PRKG1: variants seen among roughly 807,000 people sequenced by gnomAD.
The protein encoded by PRKG1 is cGMP-dependent protein kinase 1.
PRKG1 carries 35 observed loss-of-function variants against 88.1 expected under a neutral mutation model. The ratio of observed to expected loss-of-function variants is 0.40; its 90% confidence interval spans 0.30 to 0.53. PRKG1 has a LOEUF of 0.53. Among genes scored for constraint, PRKG1 ranks in the 20% least tolerant of loss-of-function variants. The pLI, the probability that PRKG1 is intolerant of heterozygous loss-of-function variation, is 0.59. For missense variants in PRKG1, 540 were observed against 839.8 expected, an observed-to-expected ratio of 0.64 and a Z score of 4.41; for synonymous variants, 303 against 292.5, an observed-to-expected ratio of 1.04 and a Z score of -0.37.
At chr10:51,578,086 T>C (rs1433793629) in intron 3 of PRKG1, among the ~76,000 whole-genome samples, 1 of 152,074 alleles carries the variant, frequency 6.6e-6, no homozygotes, top group Non-Finnish European at 1.5e-5. Context: ...AAATCCCTCT[T>C]CCTAGAGAGT....
rs1220498758 is a variant in PRKG1, at chr10:51,016,691, T to TTTTTTTTTTTTTTTTTA, written c.266+25048_266+25049insTTTTTTTTTTTTTTTAT. ...ATCCTTTCTTTTTTTTTTTTTTTTT[T>TTTTTTTTTTTTTTTTTA]TGGAATCTTGCTCTGTTGCCAGGCT... On this transcript the variant is annotated intron_variant, in intron 1 of 17. Transcript: ENST00000401604. Among the ~76,000 whole-genome samples, 3 of 132,334 alleles carry TTTTTTTTTTTTTTTTTA rather than the reference T, an allele frequency of 2.3e-5. 1 individual carries two copies. The highest frequency in any genetic ancestry group is 4.8e-5 in the Non-Finnish European group (3 of 62,784). The allele number at this position is 132,334 out of a possible 152,430, so 86.8% of individuals were successfully genotyped here.
At chr10:51,229,943 A>AAAG (rs1296709918) in intron 2 of PRKG1, among the ~76,000 whole-genome samples, 4 of 130,728 alleles carry the variant, frequency 3.1e-5, no homozygotes, top group African/African-American at 1.1e-4. Context: ...AAAAAAAAAA[A>AAAG]AAAAAGAAAA....
At chr10:52,292,181 G>C (rs1842265733) in intron 17 of PRKG1, among the ~76,000 whole-genome samples, 1 of 150,878 alleles carries the variant, frequency 6.6e-6, no homozygotes, top group Non-Finnish European at 1.5e-5. Flanking sequence ...CAGATGAGTA[G>C]GTTGCGAAAA....
intron 3 of PRKG1, among the ~76,000 whole-genome samples, chr10:51,671,946 T>C (rs1430705153): frequency 6.6e-6 from 1 of 152,198 alleles, no homozygotes; most frequent in Non-Finnish European, 1.5e-5. Context: ...TCTGCAAAGA[T>C]CCTATTTCCA....
At chr10:51,461,978 A>G (rs1280614758) in intron 2 of PRKG1, among the ~76,000 whole-genome samples, 2 of 152,214 alleles carry the variant, frequency 1.3e-5, no homozygotes, top group Admixed American at 1.3e-4. Context: ...AGATCCACAG[A>G]TGAACCCCAT....
intron 3 of PRKG1, among the ~76,000 whole-genome samples, chr10:51,533,034 C>A (rs968448415): frequency 1.3e-5 from 2 of 152,118 alleles, no homozygotes; most frequent in Non-Finnish European, 2.9e-5. Context: ...CCTGACAGTT[C>A]CGAGAAAATA....
At chr10:51,296,870 T>C (rs929132261) in intron 2 of PRKG1, among the ~76,000 whole-genome samples, 2 of 152,114 alleles carry the variant, frequency 1.3e-5, no homozygotes, top group African/African-American at 4.8e-5. Context: ...TGCTTTTCCA[T>C]GTTTTCTTTA....
At chr10:51,088,991 C>A (rs1306525724) in intron 1 of PRKG1, among the ~76,000 whole-genome samples, 2 of 152,042 alleles carry the variant, frequency 1.3e-5, no homozygotes, top group Non-Finnish European at 2.9e-5. Flanking sequence ...TTGTGGATTG[C>A]CTGTGCTCCA....
intron 4 of PRKG1, among the ~76,000 whole-genome samples, chr10:51,894,196 A>C (rs192124754): frequency 6.6e-6 from 1 of 152,238 alleles, no homozygotes; most frequent in Admixed American, 6.5e-5. Flanking sequence ...ATCATATACC[A>C]AATGAAAATA....
intron 2 of PRKG1, among the ~76,000 whole-genome samples, chr10:51,419,316 A>C (rs982133550): frequency 2.6e-5 from 4 of 152,202 alleles, no homozygotes. Context: ...GAGGGCAAGC[A>C]GTAAATCCTG....
chr10:51,889,029 GA>G (rs1841645014), intron 4 of PRKG1, among the ~76,000 whole-genome samples: 1 of 149,282 alleles, frequency 6.7e-6, no homozygotes, highest in Non-Finnish European at 1.5e-5. Flanking sequence ...GACAGAGAGA[GA>G]TTTGCAGAGC....
chr10:51,030,339 T>C (rs1843267371), intron 1 of PRKG1, among the ~76,000 whole-genome samples: 1 of 152,160 alleles, frequency 6.6e-6, no homozygotes, highest in Admixed American at 6.6e-5. Flanking sequence ...ATTGTCACGT[T>C]TTCACTTGCC....
At chr10:52,071,468 A>T (rs1276154134) in intron 7 of PRKG1, among the ~76,000 whole-genome samples, 1 of 152,170 alleles carries the variant, frequency 6.6e-6, no homozygotes, top group Non-Finnish European at 1.5e-5. Context: ...GCTGCAATGG[A>T]CATCTTAAAT....
At chr10:50,993,298 AT>A (rs1486950635) in intron 1 of PRKG1, among the ~76,000 whole-genome samples, 1 of 152,202 alleles carries the variant, frequency 6.6e-6, no homozygotes, top group Non-Finnish European at 1.5e-5. Context: ...CAGCTTTCAG[AT>A]TTCCTGAGTG....
intron 5 of PRKG1, among the ~76,000 whole-genome samples, chr10:52,039,709 T>G (rs923941795): frequency 6.6e-6 from 1 of 152,210 alleles, no homozygotes; most frequent in African/African-American, 2.4e-5. Flanking sequence ...GTGTTCTTTC[T>G]GACTGGTTAG....
intron 5 of PRKG1, among the ~76,000 whole-genome samples, chr10:51,930,495 C>CTTTTTTTTTTTTTTTTTTTT (rs3029977): frequency 9.6e-6 from 1 of 104,472 alleles, no homozygotes. Context: ...TTTTTTTCCT[C>CTTTTTTTTTTTTTTTTTTTT]TTTTTTTTTT....
intron 9 of PRKG1, among the ~76,000 whole-genome samples, chr10:52,166,527 G>A (rs1279311160): frequency 7.7e-5 from 11 of 143,268 alleles, no homozygotes; most frequent in South Asian, 4.3e-4. Flanking sequence ...TCCGCCTCCC[G>A]GGTTCACACC....
At chr10:51,364,592 T>C (rs555865748) in intron 2 of PRKG1, among the ~76,000 whole-genome samples, 3 of 151,850 alleles carry the variant, frequency 2.0e-5, no homozygotes, top group African/African-American at 7.2e-5. Context: ...ATATTAAAAA[T>C]AAGAGGGAAA....
intron 3 of PRKG1, among the ~76,000 whole-genome samples, chr10:51,528,782 C>T (rs1257263112): frequency 3.3e-5 from 5 of 152,006 alleles, no homozygotes. Flanking sequence ...GGATTCCTAA[C>T]CCTTAGAAAG....
Sources: gnomAD v4.1 joint callset for allele counts (sites outside exome capture counted in the v4.1 genomes callset) on GRCh38, gnomAD v4.1.1 for gene constraint, MANE v1.5 for transcripts, NCBI Gene and HGNC (gene_info 2026-07-23, HGNC 2026-07-21) for gene names.